CFAP58: variants seen among roughly 807,000 people sequenced by gnomAD.
The protein encoded by CFAP58 is cilia and flagella associated protein 58, also known as cilia- and flagella-associated protein 58.
CFAP58 carries 88 observed loss-of-function variants against 119.5 expected under a neutral mutation model. The ratio of observed to expected loss-of-function variants is 0.74; its 90% CI spans 0.62 to 0.88. The LOEUF (loss-of-function observed/expected upper bound fraction) is 0.88. Ranked by LOEUF, CFAP58 falls within the 40% of genes least tolerant of loss-of-function variation. CFAP58 has a pLI of 0.00. For missense variants in CFAP58, 990 were observed against 1,021.2 expected (o/e 0.97, Z 0.42); for synonymous variants, 365 against 366.3 (o/e 1.00, Z 0.04).
At chr10:104,438,612 T>C (rs1279948854) in intron 15 of CFAP58, among the ~76,000 whole-genome samples, 1 of 152,130 alleles carries the variant, frequency 6.6e-6, no homozygotes, top group Non-Finnish European at 1.5e-5. Context: ...CCTGACCTCA[T>C]GATCCACCCA....
intron 7 of CFAP58, among the ~76,000 whole-genome samples, chr10:104,371,361 A>G (rs2014821509): frequency 6.6e-6 from 1 of 152,218 alleles, no homozygotes; most frequent in African/African-American, 2.4e-5. Context: ...TGAGGTTCAC[A>G]TGACCTGCTT....
At chr10:104,340,817 A>T in the CFAP58 span, among the ~76,000 whole-genome samples, 2 of 152,294 alleles carry the variant, frequency 1.3e-5, no homozygotes, top group East Asian at 3.9e-4. Context: ...CTTGAGTTCT[A>T]TAAAGACAGG....
At chr10:104,339,658 A>T in the CFAP58 span, among the ~76,000 whole-genome samples, 10 of 152,220 alleles carry the variant, frequency 6.6e-5, no homozygotes, top group African/African-American at 2.4e-4. Context: ...AAAGATAAAC[A>T]GGCAATGAGA....
intron 6 of CFAP58, 55 bp downstream of exon 6, chr10:104,368,615 G>A (rs2014782686): frequency 1.9e-6 from 3 of 1,598,672 alleles, no homozygotes; most frequent in Non-Finnish European, 2.6e-6. Context: ...ACACAGGTTT[G>A]CCTTGGCAAT....
At chr10:104,424,861 GT>G (rs2012718050) in intron 15 of CFAP58, among the ~76,000 whole-genome samples, 1 of 152,188 alleles carries the variant, frequency 6.6e-6, no homozygotes, top group African/African-American at 2.4e-5. Context: ...AAGAGGACAT[GT>G]TTGGACTGGG....
chr10:104,407,505 A>G (rs1401796818), intron 15 of CFAP58, among the ~76,000 whole-genome samples: 1 of 152,120 alleles, frequency 6.6e-6, no homozygotes, highest in Non-Finnish European at 1.5e-5. Context: ...CTTGGTTTGG[A>G]ATACTGCCAG....
At chr10:104,376,745 C>T (rs2011674302) in intron 7 of CFAP58, 66 bp from the exon 8 acceptor site, 15 of 1,288,658 alleles carry the variant, frequency 1.2e-5, no homozygotes, top group South Asian at 4.9e-5. Context: ...TGTATCACTT[C>T]GGCTTTTGTA....
At chr10:104,387,865 C>A (rs907580031) in intron 9 of CFAP58, among the ~76,000 whole-genome samples, 1 of 152,160 alleles carries the variant, frequency 6.6e-6, no homozygotes, top group Non-Finnish European at 1.5e-5. Flanking sequence ...TCTTTTGCAA[C>A]AAATCCCTAA....
At chr10:104,432,917 A>G (rs1011394643) in intron 15 of CFAP58, among the ~76,000 whole-genome samples, 1 of 152,214 alleles carries the variant, frequency 6.6e-6, no homozygotes, top group Admixed American at 6.5e-5. Flanking sequence ...CAGAAATTCT[A>G]CTTGAAGGAT....
At chr10:104,398,917 C>A (rs974282182) in intron 11 of CFAP58, among the ~76,000 whole-genome samples, 1 of 152,102 alleles carries the variant, frequency 6.6e-6, no homozygotes, top group African/African-American at 2.4e-5. Context: ...AGGGCTTTAC[C>A]TTTGCAGTTC....
intron 15 of CFAP58, among the ~76,000 whole-genome samples, chr10:104,439,149 T>TCCC (rs970079524): frequency 6.6e-6 from 1 of 152,192 alleles, no homozygotes; most frequent in Non-Finnish European, 1.5e-5. Context: ...GGATGATGGT[T>TCCC]GTAAGCACAG....
At chr10:104,356,411 A>G (rs1167880468) in intron 1 of CFAP58, among the ~76,000 whole-genome samples, 2 of 152,198 alleles carry the variant, frequency 1.3e-5, no homozygotes, top group African/African-American at 4.8e-5. Flanking sequence ...TTGGGACTAC[A>G]GATTGTTTCA....
intron 2 of CFAP58, among the ~76,000 whole-genome samples, chr10:104,358,980 A>G (rs2014632946): frequency 6.6e-6 from 1 of 152,188 alleles, no homozygotes; most frequent in Non-Finnish European, 1.5e-5. Context: ...AGATATTTTC[A>G]TATTTCTGCT....
At chr10:104,345,732 C>A in the CFAP58 span, among the ~76,000 whole-genome samples, 1 of 151,952 alleles carries the variant, frequency 6.6e-6, no homozygotes, top group Non-Finnish European at 1.5e-5. Context: ...TTGGATGAGG[C>A]AACACTGAGC....
chr10:104,352,331 G>A (rs1349810610), upstream of CFAP58, among the ~76,000 whole-genome samples: 3 of 152,090 alleles, frequency 2.0e-5, no homozygotes, highest in East Asian at 1.9e-4. Context: ...AAGTACCCAG[G>A]GCTTGTACTA....
intron 4 of CFAP58, 71 bp from the exon 5 acceptor site, chr10:104,365,743 G>C (rs756280651): frequency 1.5e-6 from 2 of 1,366,544 alleles, no homozygotes; most frequent in Non-Finnish European, 2.0e-6. Flanking sequence ...GAGAGGAGGG[G>C]GCTTGGCTGG....
intron 3 of CFAP58, among the ~76,000 whole-genome samples, chr10:104,364,025 G>A (rs1176684620): frequency 6.6e-6 from 1 of 152,154 alleles, no homozygotes; most frequent in Non-Finnish European, 1.5e-5. Flanking sequence ...TCAAATCAAT[G>A]AATATTATCA....
At chr10:104,432,754 G>C (rs1248933712) in intron 15 of CFAP58, among the ~76,000 whole-genome samples, 1 of 152,158 alleles carries the variant, frequency 6.6e-6, no homozygotes, top group South Asian at 2.1e-4. Context: ...GCCTGCCTTG[G>C]CCTCCAAAAC....
At chr10:104,374,125 T>C (rs1202488840) in intron 7 of CFAP58, among the ~76,000 whole-genome samples, 2 of 152,158 alleles carry the variant, frequency 1.3e-5, no homozygotes, top group Non-Finnish European at 2.9e-5. Context: ...ACTAAAAGAA[T>C]GTCAGAGCTC....
Sources: allele counts gnomAD v4.1 joint callset (sites outside exome capture counted in the v4.1 genomes callset), GRCh38; gene constraint gnomAD v4.1.1; transcripts MANE v1.5; gene names NCBI Gene and HGNC (gene_info 2026-07-23, HGNC 2026-07-21).